The following SDHAF3 variants were observed in gnomAD, a reference collection of about 807,000 sequenced individuals.
SDHAF3 encodes the protein succinate dehydrogenase complex assembly factor 3.
In SDHAF3, 18 loss-of-function variants were observed where a neutral mutation model predicts 11.5. The ratio of observed to expected loss-of-function variants is 1.56; its 90% CI spans 1.08 to 2.32. The LOEUF (loss-of-function observed/expected upper bound fraction) is 2.32, where lower values mean the gene tolerates loss of function less well. Ranked by LOEUF, SDHAF3 falls within the 30% of genes most tolerant of loss-of-function variation. SDHAF3 has a pLI of 0.00. For synonymous variants in SDHAF3, 72 were observed against 59.3 expected (o/e 1.21, Z -0.99); for missense variants, 200 against 154.4 (o/e 1.30, Z -1.57).
intron 1 of SDHAF3, among the ~76,000 whole-genome samples, chr7:97,150,193 A>G (rs1789196365): frequency 6.6e-6 from 1 of 152,166 alleles, no homozygotes; most frequent in Admixed American, 6.5e-5. Flanking sequence ...AAACTTTTCA[A>G]AGTCATCCAT....
At chr7:97,170,695 A>G (rs1423487196) in intron 1 of SDHAF3, among the ~76,000 whole-genome samples, 1 of 151,968 alleles carries the variant, frequency 6.6e-6, no homozygotes, top group African/African-American at 2.4e-5. Flanking sequence ...GCTGTGTCAC[A>G]ACTAACACCT....
intron 1 of SDHAF3, among the ~76,000 whole-genome samples, chr7:97,169,086 C>T (rs1260412192): frequency 3.9e-5 from 6 of 152,146 alleles, no homozygotes; most frequent in East Asian, 1.9e-4. Context: ...AATCCCAGCA[C>T]TTTGGGAGGC....
At chr7:97,144,703 T>C (rs73708873) in intron 1 of SDHAF3, among the ~76,000 whole-genome samples, 5,680 of 152,274 alleles carry the variant, frequency 0.037, 326 homozygotes, top group African/African-American at 0.13. Context: ...TCATGCTGTT[T>C]TGGTGACTGT....
chr7:97,133,224 G>A (rs947022970), intron 1 of SDHAF3, among the ~76,000 whole-genome samples: 3 of 152,186 alleles, frequency 2.0e-5, no homozygotes, highest in African/African-American at 7.2e-5. Context: ...AATATTCACA[G>A]TAAGTGGAGT....
Position 97,117,728 on chromosome 7 carries a change from C to A in SDHAF3, c.5C>A (p.Pro2Gln), listed in dbSNP as rs756796128. 14 of 1,611,810 alleles carry A rather than the reference C, an allele frequency of 8.7e-6. No homozygotes were observed. Among genetic ancestry groups the A allele is most frequent in the African/African-American group, 4.0e-5 (3 of 74,930 alleles). Residue 2 changes from proline to glutamine, a missense_variant, in exon 1 of 2, where the codon CCG (proline) becomes CAG (glutamine). Transcript: ENST00000432641. M[P>Q]GRHVSRVRAL... ...CGGCGGTCGGCGTGGGGCGCTATGC[C>A]GGGGCGGCACGTTTCTCGAGTCCGG...
intron 1 of SDHAF3, among the ~76,000 whole-genome samples, chr7:97,161,119 A>G (rs1399065763): frequency 6.6e-6 from 1 of 152,176 alleles, no homozygotes; most frequent in Non-Finnish European, 1.5e-5. Context: ...GCTGGGTCCC[A>G]ATCAGCCACT....
chr7:97,154,552 A>G (rs1789274270), intron 1 of SDHAF3, among the ~76,000 whole-genome samples: 1 of 152,038 alleles, frequency 6.6e-6, no homozygotes, highest in Admixed American at 6.6e-5. Context: ...TGGTTTGCAA[A>G]TATTTTCTCC....
chr7:97,173,398 A>G (rs960245174), intron 1 of SDHAF3, among the ~76,000 whole-genome samples: 1 of 152,050 alleles, frequency 6.6e-6, no homozygotes, highest in Non-Finnish European at 1.5e-5. Context: ...ACAGTTGTCA[A>G]CTCATGGCCA....
chr7:97,154,452 A>G (rs1483718859), intron 1 of SDHAF3, among the ~76,000 whole-genome samples: 2 of 151,868 alleles, frequency 1.3e-5, no homozygotes, highest in Admixed American at 1.3e-4. Context: ...AATGTTGCTC[A>G]TTTATTTTGC....
At chr7:97,117,986 C>T in intron 1 of SDHAF3, 89 bp downstream of exon 1, 1 of 1,473,814 alleles carries the variant, frequency 6.8e-7, no homozygotes, top group Non-Finnish European at 9.3e-7. Context: ...CGGGGTTAAA[C>T]AGAGCAGCAA....
At chr7:97,160,183 C>G (rs1678176735) in intron 1 of SDHAF3, among the ~76,000 whole-genome samples, 2 of 140,526 alleles carry the variant, frequency 1.4e-5, no homozygotes, top group African/African-American at 5.3e-5. Context: ...CCCGGCCACC[C>G]ATCGTCTGGG....
chr7:97,171,225 G>A (rs958445949), intron 1 of SDHAF3, among the ~76,000 whole-genome samples: 1 of 151,960 alleles, frequency 6.6e-6, no homozygotes, highest in African/African-American at 2.4e-5. Context: ...TGTTGGTTCA[G>A]TGTTGCTAAA....
At chr7:97,175,348 T>C (rs1789664762) in intron 1 of SDHAF3, among the ~76,000 whole-genome samples, 2 of 152,212 alleles carry the variant, frequency 1.3e-5, no homozygotes, top group Admixed American at 1.3e-4. Context: ...TGGGGGTTTG[T>C]TGTACAGATT....
At chr7:97,180,746 C>T (rs1789757601) in intron 1 of SDHAF3, among the ~76,000 whole-genome samples, 1 of 152,150 alleles carries the variant, frequency 6.6e-6, no homozygotes, top group Non-Finnish European at 1.5e-5. Flanking sequence ...GCTTCTGAAG[C>T]CCATCCAGGG....
At chr7:97,128,079 G>A (rs992603365) in intron 1 of SDHAF3, among the ~76,000 whole-genome samples, 2 of 151,730 alleles carry the variant, frequency 1.3e-5, no homozygotes, top group African/African-American at 4.8e-5. Context: ...TATATTTTTA[G>A]TAGAGATGGG....
Position 97,181,169 on chromosome 7 carries a change from C to G in SDHAF3, c.332C>G (p.Pro111Arg). The G allele has an allele frequency of 6.2e-7, 1 of 1,613,838 alleles. No homozygotes were observed. Among genetic ancestry groups the G allele is most frequent in the Non-Finnish European group, 8.5e-7 (1 of 1,179,930 alleles). The change falls in exon 2 of 2, where the codon CCC becomes CGC. Residue 111 changes from proline to arginine, a missense_variant. By Grantham distance (103) the Pro-to-Arg change is moderately radical. Transcript: ENST00000432641. Reference protein sequence around the residue: ...LQELMQEATKPNRQFSISESM... With the variant: ...LQELMQEATKRNRQFSISESM... ...GAGCTGATGCAAGAAGCCACAAAAC[C>G]CAATAGGCAATTTAGTATTTCTGAG...
At chr7:97,176,713 CAT>C (rs1382842372) in intron 1 of SDHAF3, among the ~76,000 whole-genome samples, 10 of 152,160 alleles carry the variant, frequency 6.6e-5, no homozygotes, top group Admixed American at 6.5e-4. Flanking sequence ...ATTCATTGAT[CAT>C]TTCTCACACA....
intron 1 of SDHAF3, among the ~76,000 whole-genome samples, chr7:97,129,815 G>T (rs1190750967): frequency 6.6e-6 from 1 of 152,102 alleles, no homozygotes; most frequent in Non-Finnish European, 1.5e-5. Flanking sequence ...TCCCATGTCT[G>T]CTGAGGGCGA....
intron 1 of SDHAF3, chr7:97,135,658 GT>G (rs1791749666): frequency 1.1e-5 from 1 of 88,610 alleles, no homozygotes; most frequent in Non-Finnish European, 2.2e-5. Flanking sequence ...GTGTGTGTGT[GT>G]GTGTGTGTGT....
Sources: allele counts gnomAD v4.1 joint callset (sites outside exome capture counted in the v4.1 genomes callset), GRCh38; gene constraint gnomAD v4.1.1; transcripts MANE v1.5; gene names NCBI Gene and HGNC (gene_info 2026-07-23, HGNC 2026-07-21).